ZNF582: variants seen among roughly 807,000 people sequenced by gnomAD.
The protein encoded by ZNF582 is zinc finger protein 582.
ZNF582 carries 14 observed loss-of-function variants against 12.3 expected under a neutral mutation model. The ratio of observed to expected loss-of-function variants is 1.14; its 90% CI spans 0.75 to 1.78. The LOEUF is 1.78. Ranked by LOEUF, ZNF582 falls within the 40% of genes most tolerant of loss-of-function variation. The pLI is 0.00. For missense variants in ZNF582, 567 were observed against 616.5 expected, an observed-to-expected ratio of 0.92 and a Z score of 0.85; for synonymous variants, 210 against 207.2, an observed-to-expected ratio of 1.01 and a Z score of -0.11.
exon 1 of ZNF582, chr19:56,393,328 C>A (rs556479434): frequency 2.3e-5 from 27 of 1,156,928 alleles, no homozygotes; most frequent in Non-Finnish European, 2.9e-5. Context: ...GGTAAAGCCA[C>A]AGAGCGACGA....
chr19:56,389,174 T>C (rs1371373816), intron 4 of ZNF582, among the ~76,000 whole-genome samples: 2 of 152,256 alleles, frequency 1.3e-5, no homozygotes, highest in Non-Finnish European at 2.9e-5. Context: ...TGTGTATGAT[T>C]TCATGTCTAT....
chr19:56,393,375 C>A, exon 1 of ZNF582: 1 of 788,730 alleles, frequency 1.3e-6, no homozygotes, highest in Non-Finnish European at 1.9e-6. Flanking sequence ...AGGCCTGAGA[C>A]CCAACCGGCC....
At chr19:56,385,222 T>G in intron 4 of ZNF582, 38 bp from the exon 5 acceptor site, 1 of 1,526,378 alleles carries the variant, frequency 6.6e-7, no homozygotes, top group Non-Finnish European at 8.7e-7. Context: ...TGGCTTCTTT[T>G]TTTTTCCAGA....
chr19:56,387,705 C>T (rs759796180), intron 4 of ZNF582: 2 of 152,208 alleles, frequency 1.3e-5, no homozygotes, highest in South Asian at 2.1e-4. Flanking sequence ...TCAGGTGATT[C>T]TCCTCTGTCA....
At chr19:56,392,833 A>C (rs1331272922) in intron 1 of ZNF582, among the ~76,000 whole-genome samples, 3 of 152,256 alleles carry the variant, frequency 2.0e-5, no homozygotes, top group Non-Finnish European at 4.4e-5. Context: ...TAAGGTGCCT[A>C]CTGCATTACA....
intron 4 of ZNF582, among the ~76,000 whole-genome samples, chr19:56,386,983 A>G (rs1226768353): frequency 2.0e-5 from 3 of 152,272 alleles, no homozygotes; most frequent in African/African-American, 7.2e-5. Context: ...TTCATACTTT[A>G]AATTGATATA....
At chr19:56,384,356 A>G in exon 5 of ZNF582, 2 of 1,612,680 alleles carry the variant, frequency 1.2e-6, no homozygotes, top group Non-Finnish European at 1.7e-6. Context: ...ATGTCGTATA[A>G]GAGTTGAGCC....
intron 1 of ZNF582, among the ~76,000 whole-genome samples, chr19:56,392,810 G>A (rs1256119894): frequency 1.3e-5 from 2 of 152,220 alleles, no homozygotes; most frequent in African/African-American, 4.8e-5. Flanking sequence ...GAAGTACTCT[G>A]TAAAGGAGTA....
chr19:56,393,082 G>C, intron 1 of ZNF582, 138 bp downstream of exon 1: 1 of 661,254 alleles, frequency 1.5e-6, no homozygotes, highest in South Asian at 1.6e-5. Context: ...GCGGTTCTAA[G>C]TCTTCTGGGG....
intron 4 of ZNF582, 47 bp from the exon 5 acceptor site, chr19:56,385,231 G>C (rs1427708193): frequency 2.7e-6 from 4 of 1,476,296 alleles, no homozygotes; most frequent in East Asian, 4.5e-5. Flanking sequence ...TTTTTTTCCA[G>C]ATAAAGGAAC....
chr19:56,392,312 T>C (rs1280644362), intron 1 of ZNF582, among the ~76,000 whole-genome samples: 3 of 152,228 alleles, frequency 2.0e-5, no homozygotes, highest in African/African-American at 7.2e-5. Context: ...CAAAAAGCTC[T>C]ACAGCCCAAA....
chr19:56,384,628 G>C, exon 5 of ZNF582: 1 of 1,614,050 alleles, frequency 6.2e-7, no homozygotes. Flanking sequence ...TTCGACTAAA[G>C]GCCTTCTCAC....
At chr19:56,387,768 G>C (rs540894916) in intron 4 of ZNF582, 89 of 152,272 alleles carry the variant, frequency 5.8e-4, no homozygotes, top group African/African-American at 2.1e-3. Context: ...TGGCTGCAGA[G>C]GGATTTTAAT....
exon 3 of ZNF582, chr19:56,390,449 T>C (rs2042005970): frequency 6.2e-7 from 1 of 1,614,064 alleles, no homozygotes; most frequent in African/African-American, 1.3e-5. Context: ...TGCCAACCAC[T>C]GCCATTCTTC....
At chr19:56,392,951 T>C (rs1420274225) in intron 1 of ZNF582, among the ~76,000 whole-genome samples, 2 of 152,236 alleles carry the variant, frequency 1.3e-5, no homozygotes, top group Non-Finnish European at 2.9e-5. Flanking sequence ...GCATTATTTG[T>C]ATTAACTGCA....
At position 56,390,248 on chromosome 19, in the gene ZNF582, C is replaced by T. The variant is rs8113261; in HGVS notation, c.136+127G>A. The stretch of plus-strand genomic sequence containing the variant: ...GGGGGTAGGGGGATGCAGCTTCAGC[C>T]GACAGCGCCGCCCTTTAACCCCTCA... On this transcript the variant is annotated intron_variant, in intron 3 of 4. Coordinates refer to ENST00000586929, the Ensembl canonical transcript of ZNF582. 7.0e-3 allele frequency: 10,246 copies of T among 1,464,280 alleles called. 594 individuals are homozygous for T. The African/African-American group carries it at 0.13, about 18-fold the overall frequency. 90.7% of individuals were successfully genotyped at this position (1,464,280 alleles called of 1,614,324 possible). A position where few individuals can be genotyped will look rare whatever the true frequency, so the allele number is the denominator to read the frequency against.
chr19:56,391,869 T>A, intron 1 of ZNF582, 37 bp from the exon 2 acceptor site: 2 of 1,563,018 alleles, frequency 1.3e-6, no homozygotes, highest in Non-Finnish European at 1.8e-6. Context: ...AGGCTAGGCT[T>A]GCCTCACAGT....
At chr19:56,388,870 G>A (rs1157391711) in intron 4 of ZNF582, among the ~76,000 whole-genome samples, 5 of 152,156 alleles carry the variant, frequency 3.3e-5, no homozygotes, top group Admixed American at 6.5e-5. Context: ...GGCCGCCTCA[G>A]CCTCCCAAAG....
chr19:56,384,205 G>C, exon 5 of ZNF582: 1 of 1,611,754 alleles, frequency 6.2e-7, no homozygotes, highest in South Asian at 1.1e-5. Context: ...AGACCCGTTT[G>C]AAGGCCCTAC....
Sources: allele counts gnomAD v4.1 joint callset (sites outside exome capture counted in the v4.1 genomes callset), GRCh38; gene constraint gnomAD v4.1.1; transcripts MANE v1.5; gene names NCBI Gene and HGNC (gene_info 2026-07-23, HGNC 2026-07-21).